F8: variants seen among roughly 807,000 people sequenced by gnomAD.
F8 encodes antihemophilic factor.
In F8, 12 loss-of-function variants were observed where a neutral mutation model predicts 140.6. The ratio of observed to expected loss-of-function variants is 0.09; its 90% CI spans 0.05 to 0.14. The LOEUF (loss-of-function observed/expected upper bound fraction) is 0.14. Ranked by LOEUF, F8 falls within the 10% of genes least tolerant of loss-of-function variation. F8 has a pLI of 1.00. For synonymous variants in F8, 585 were observed against 614.6 expected (o/e 0.95, Z 0.71); for missense variants, 1,354 against 1,720.7 (o/e 0.79, Z 3.77).
rs782103761 is a variant in F8 at position 155,006,450 on chromosome X, G to C, written c.144-6850C>G. On this transcript the variant is annotated intron_variant, in intron 1 of 25. Transcript: ENST00000360256. ...GTTGTGCCCCTGGAGCTCTGACAAA[G>C]AGTGTGGCCCGGAAATGTGATGTTT... 8.3e-3 allele frequency among the ~76,000 whole-genome samples: 296 copies of C among 35,464 alleles called. 1 individual carries two copies. Among genetic ancestry groups the C allele is most frequent in the East Asian group, 0.013 (17 of 1,315 alleles). 30.8% of individuals were successfully genotyped at this position (35,464 alleles called of 115,157 possible). A position where few individuals can be genotyped will look rare whatever the true frequency, so the allele number is the denominator to read the frequency against.
At chrX:154,838,227 G>A (rs1486042302) in intron 25 of F8, among the ~76,000 whole-genome samples, 2 of 112,324 alleles carry the variant, frequency 1.8e-5, no homozygotes, top group Non-Finnish European at 3.8e-5. Context: ...GCAATTTAGT[G>A]TGGCTGGGCA....
chrX:154,876,321 G>A (rs191755506), intron 22 of F8, among the ~76,000 whole-genome samples: 93 of 108,436 alleles, frequency 8.6e-4, no homozygotes, highest in Admixed American at 1.5e-3. Context: ...GTGTTTCACC[G>A]TGTTAGCCAG....
At chrX:154,915,349 TC>T (rs1284715082) in intron 14 of F8, among the ~76,000 whole-genome samples, 3 of 112,304 alleles carry the variant, frequency 2.7e-5, no homozygotes, top group Non-Finnish European at 3.8e-5. Flanking sequence ...GACTGCTTTT[TC>T]TATTTCTGTG....
intron 7 of F8, 28 bp from the exon 8 acceptor site, chrX:154,966,715 A>G (rs1222222674): frequency 2.5e-6 from 3 of 1,206,717 alleles, no homozygotes; most frequent in Non-Finnish European, 3.4e-6. Context: ...AAACAATGTC[A>G]GAGTGTCTTG....
At chrX:154,939,752 G>A (rs1405262749) in intron 13 of F8, among the ~76,000 whole-genome samples, 2 of 112,258 alleles carry the variant, frequency 1.8e-5, no homozygotes, top group Non-Finnish European at 3.8e-5. Flanking sequence ...TAGCCTAACT[G>A]GGAGGCACCC....
In F8 at chrX:154,931,573, C is replaced by T. The variant is rs781850654; in HGVS notation, c.2217G>A (p.Glu739=). The change falls in exon 14 of 26, where the codon GAG becomes GAA. Residue 739 remains glutamate (E), a synonymous_variant. Coordinates refer to ENST00000360256, the MANE Select transcript of F8 (RefSeq NM_000132.4). ...ATGCTGAAATATCTTCATAACTGTCCTCGTAATAATCACCAGTGTTCTTGT... is the reference window on the plus strand; with the variant it reads ...ATGCTGAAATATCTTCATAACTGTCTTCGTAATAATCACCAGTGTTCTTGT... ...SCDKNTGDYY[E]DSYEDISAYL... 3.3e-5 allele frequency: 40 copies of T among 1,210,752 alleles called. No individual in the cohort carries two copies. In the East Asian group the frequency reaches 1.2e-3, roughly 35 times the overall value.
At chrX:154,850,076 G>C (rs969886862) in intron 25 of F8, among the ~76,000 whole-genome samples, 15 of 100,535 alleles carry the variant, frequency 1.5e-4, no homozygotes, top group South Asian at 5.0e-4. Context: ...GGGTAGGCAG[G>C]CTTGTTTTGT....
intron 1 of F8, among the ~76,000 whole-genome samples, chrX:155,010,533 C>A (rs1171610381): frequency 2.7e-5 from 3 of 111,204 alleles, no homozygotes; most frequent in Non-Finnish European, 5.7e-5. Context: ...AAAAGGGTTT[C>A]ATTAAAATAA....
intron 5 of F8, among the ~76,000 whole-genome samples, chrX:154,985,249 A>G (rs1196380758): frequency 9.0e-6 from 1 of 110,865 alleles, no homozygotes; most frequent in African/African-American, 3.3e-5. Flanking sequence ...TAGCCTGGCC[A>G]ACATGGTGAA....
rs1206898312 is a variant in F8, at chrX:154,923,748, T to A, written c.5219+4823A>T. On this transcript the variant is annotated intron_variant, in intron 14 of 25. Coordinates refer to ENST00000360256, the MANE Select transcript of F8 (RefSeq NM_000132.4). Reference sequence around the variant, plus strand: ...GGGACTGTTGGGAAGGCATGATTGGTTTTGAAATGTGAGGACATGAGATTT... The same window carrying A: ...GGGACTGTTGGGAAGGCATGATTGGATTTGAAATGTGAGGACATGAGATTT... Among the ~76,000 whole-genome samples the A allele has an allele frequency of 2.7e-5, 3 of 111,122 alleles. No homozygotes were observed. The Admixed American group carries it at 2.9e-4, about 11-fold the overall frequency.
chrX:154,998,512 A>G (rs1376543653), intron 2 of F8, among the ~76,000 whole-genome samples: 1 of 112,630 alleles, frequency 8.9e-6, no homozygotes, highest in Non-Finnish European at 1.9e-5. Context: ...TTTCTTTCTT[A>G]GGGAACTTAT....
intron 14 of F8, among the ~76,000 whole-genome samples, chrX:154,926,165 C>T (rs1045464240): frequency 2.7e-5 from 3 of 112,083 alleles, no homozygotes; most frequent in Non-Finnish European, 5.6e-5. Context: ...TCCCTGCCTT[C>T]TGCCATGATT....
chrX:154,941,362 A>T (rs1213866992), intron 13 of F8, among the ~76,000 whole-genome samples: 6 of 111,752 alleles, frequency 5.4e-5, no homozygotes, highest in African/African-American at 1.6e-4. Flanking sequence ...CAGGGGTTGC[A>T]ATCCTAGTCT....
chrX:154,877,313 C>A (rs782559565), intron 22 of F8, among the ~76,000 whole-genome samples: 47 of 111,117 alleles, frequency 4.2e-4, no homozygotes, highest in African/African-American at 1.5e-3. Flanking sequence ...CCAATGTAAT[C>A]ACAAGAGGCC....
chrX:154,838,974 C>T (rs890149501), intron 25 of F8, among the ~76,000 whole-genome samples: 1 of 81,650 alleles, frequency 1.2e-5, no homozygotes, highest in African/African-American at 4.8e-5. Context: ...TCGGTCTGTT[C>T]CCACCTTGGC....
At chrX:154,918,594 G>A (rs781890145) in intron 14 of F8, among the ~76,000 whole-genome samples, 33 of 107,092 alleles carry the variant, frequency 3.1e-4, no homozygotes, top group African/African-American at 1.1e-3. Flanking sequence ...AGTTAAACAG[G>A]CCCATTTTTG....
At chrX:154,987,089 C>T (rs2073562622) in intron 5 of F8, 148 bp downstream of exon 5, 4 of 473,306 alleles carry the variant, frequency 8.5e-6, no homozygotes, top group African/African-American at 4.9e-5. Context: ...ACTGAGGTTA[C>T]GTTTTGTTTT....
chrX:154,992,697 G>A (rs1482157985), intron 4 of F8, among the ~76,000 whole-genome samples: 1 of 112,291 alleles, frequency 8.9e-6, no homozygotes, highest in Non-Finnish European at 1.9e-5. Context: ...GCTTTGAGGA[G>A]AGAGATTTAA....
At position 154,886,044 on chromosome X, in the gene F8, T is replaced by C. The variant is rs782295624; in HGVS notation, c.6429+10033A>G. On this transcript the variant is annotated intron_variant, in intron 22 of 25. Transcript: ENST00000360256. ...GAGTTTCGTTTGGGTCATGTTCAGATGGAGAGGCTGTGGGATGCCTTTAGC... is the reference window on the plus strand; with the variant it reads ...GAGTTTCGTTTGGGTCATGTTCAGACGGAGAGGCTGTGGGATGCCTTTAGC... 774 of 474,958 alleles carry C rather than the reference T, an allele frequency of 1.6e-3. 47 individuals carry two copies. The highest frequency in any genetic ancestry group is 2.0e-3 in the Admixed American group (49 of 24,117). The allele number at this position is 474,958 out of a possible 1,213,427, so 39.1% of individuals were successfully genotyped here. A position where few individuals can be genotyped will look rare whatever the true frequency, so the allele number is the denominator to read the frequency against.
Sources: allele counts gnomAD v4.1 joint callset (sites outside exome capture counted in the v4.1 genomes callset), GRCh38; gene constraint gnomAD v4.1.1; transcripts MANE v1.5; gene names NCBI Gene and HGNC (gene_info 2026-07-23, HGNC 2026-07-21).